The following COL5A2 variants were observed in gnomAD, a reference collection of about 807,000 sequenced individuals.
COL5A2 encodes the protein collagen type V alpha 2 chain.
In COL5A2, 23 loss-of-function variants were observed where a neutral mutation model predicts 208.2. The observed-to-expected ratio is 0.11, with a 90% CI of 0.08 to 0.16. COL5A2 has a LOEUF of 0.16. Among genes scored for constraint, COL5A2 ranks in the 10% least tolerant of loss-of-function variants. COL5A2 has a pLI of 1.00. For synonymous variants in COL5A2, 625 were observed against 628.5 expected, an observed-to-expected ratio of 0.99 and a Z score of 0.08; for missense variants, 1,590 against 1,956.4, an observed-to-expected ratio of 0.81 and a Z score of 3.53.
At chr2:189,210,367 G>A (rs938964830) in intron 1 of COL5A2, among the ~76,000 whole-genome samples, 4 of 150,902 alleles carry the variant, frequency 2.7e-5, no homozygotes, top group Admixed American at 6.6e-5. Flanking sequence ...AACCCTAGCC[G>A]AGGAGAATGA....
At chr2:189,143,862 TA>T (rs981501340) in intron 1 of COL5A2, among the ~76,000 whole-genome samples, 2 of 152,006 alleles carry the variant, frequency 1.3e-5, no homozygotes, top group Non-Finnish European at 2.9e-5. Flanking sequence ...TATAATAACA[TA>T]AAAAAATCCT....
chr2:189,124,362 A>G (rs757451858), intron 1 of COL5A2, among the ~76,000 whole-genome samples: 2 of 152,126 alleles, frequency 1.3e-5, no homozygotes, highest in Non-Finnish European at 2.9e-5. Context: ...CCATGACATG[A>G]ATAAGTCTTT....
chr2:189,196,247 T>C (rs914574646), intron 1 of COL5A2, among the ~76,000 whole-genome samples: 2 of 152,012 alleles, frequency 1.3e-5, no homozygotes, highest in African/African-American at 2.4e-5. Flanking sequence ...TCTTCTGTCT[T>C]GCAATGTTTC....
At chr2:189,367,433 A>G in the COL5A2 span, among the ~76,000 whole-genome samples, 1 of 152,170 alleles carries the variant, frequency 6.6e-6, no homozygotes, top group African/African-American at 2.4e-5. Flanking sequence ...ATTGAACGTA[A>G]TTACTACATT....
the COL5A2 span, among the ~76,000 whole-genome samples, chr2:189,261,005 C>T: frequency 6.6e-6 from 1 of 152,066 alleles, no homozygotes; most frequent in African/African-American, 2.4e-5. Flanking sequence ...ACTGACATAT[C>T]CATCTATTTG....
chr2:189,068,685 C>T (rs1427529920), intron 19 of COL5A2, 101 bp downstream of exon 19: 1 of 835,034 alleles, frequency 1.2e-6, no homozygotes, highest in African/African-American at 1.7e-5. Context: ...TAAATATGTA[C>T]AAATATTATG....
the COL5A2 span, among the ~76,000 whole-genome samples, chr2:189,372,816 T>TA: frequency 6.6e-6 from 1 of 152,144 alleles, no homozygotes; most frequent in African/African-American, 2.4e-5. Flanking sequence ...TAGGTATATT[T>TA]AAAAAAATAC....
chr2:189,039,345 G>A lies in COL5A2; in HGVS notation c.3852C>T (p.Ser1284=). The change falls in exon 51 of 54, where the codon AGC becomes AGT. Residue 1284 remains serine, a synonymous_variant. Transcript: ENST00000374866. ...CTGGGTGCTTTTTCGAGCCATCGGG[G>A]CTGCGCATGGTTTCAATCTGACTAC... The part of the protein sequence containing the change: ...SLSSQIETMR[S]PDGSKKHPAR... 1.2e-6 allele frequency: 2 copies of A among 1,614,076 alleles called. No individual in the cohort carries two copies. The highest frequency in any genetic ancestry group is 2.7e-5 in the African/African-American group (2 of 75,028).
At chr2:189,250,743 T>C in the COL5A2 span, among the ~76,000 whole-genome samples, 1 of 152,160 alleles carries the variant, frequency 6.6e-6, no homozygotes. Context: ...ACACAGTACC[T>C]CTCTCTTCAC....
chr2:189,313,297 T>C, the COL5A2 span, among the ~76,000 whole-genome samples: 1 of 152,178 alleles, frequency 6.6e-6, no homozygotes, highest in South Asian at 2.1e-4. Flanking sequence ...CTTTAGGATA[T>C]CATCCATGAG....
chr2:189,247,696 C>T, the COL5A2 span, among the ~76,000 whole-genome samples: 1 of 151,572 alleles, frequency 6.6e-6, no homozygotes, highest in Non-Finnish European at 1.5e-5. Context: ...TCTCATGCTT[C>T]AGCCTCCCCA....
intron 2 of COL5A2, among the ~76,000 whole-genome samples, chr2:189,108,136 A>T (rs1687186140): frequency 6.6e-6 from 1 of 151,718 alleles, no homozygotes; most frequent in South Asian, 2.1e-4. Context: ...TTATTTCTGC[A>T]TTGTCAGAAG....
intron 16 of COL5A2, 45 bp downstream of exon 16, chr2:189,078,471 T>A: frequency 6.9e-7 from 1 of 1,459,300 alleles, no homozygotes; most frequent in Non-Finnish European, 9.6e-7. Flanking sequence ...GAAAATGAAT[T>A]GAAATACACA....
chr2:189,129,315 C>T (rs560151978), intron 1 of COL5A2, among the ~76,000 whole-genome samples: 1 of 152,080 alleles, frequency 6.6e-6, no homozygotes, highest in East Asian at 1.9e-4. Context: ...TTACATTTCA[C>T]TAAAAGGGGC....
At chr2:189,204,817 A>G (rs1177590413) in intron 1 of COL5A2, among the ~76,000 whole-genome samples, 2 of 152,190 alleles carry the variant, frequency 1.3e-5, no homozygotes, top group Non-Finnish European at 2.9e-5. Flanking sequence ...TGAATTAATT[A>G]TGTCTTCTAT....
chr2:189,435,623 T>C, the COL5A2 span, among the ~76,000 whole-genome samples: 2 of 152,106 alleles, frequency 1.3e-5, no homozygotes, highest in East Asian at 3.9e-4. Context: ...AAAACCACAA[T>C]GAGATACCAT....
the COL5A2 span, among the ~76,000 whole-genome samples, chr2:189,420,048 A>T: frequency 1.9e-4 from 24 of 129,090 alleles, no homozygotes; most frequent in Non-Finnish European, 3.1e-4. Context: ...AATAAGAAAG[A>T]GAGGGAAGGA....
At chr2:189,307,355 T>C in the COL5A2 span, among the ~76,000 whole-genome samples, 1 of 152,072 alleles carries the variant, frequency 6.6e-6, no homozygotes, top group Non-Finnish European at 1.5e-5. Context: ...ATTATACATA[T>C]AATACTTAGA....
At chr2:189,310,917 C>G in the COL5A2 span, among the ~76,000 whole-genome samples, 6 of 152,062 alleles carry the variant, frequency 3.9e-5, no homozygotes, top group Non-Finnish European at 7.4e-5. Flanking sequence ...AGGATGGTTA[C>G]CAGGGGCTGG....
Sources: allele counts gnomAD v4.1 joint callset (sites outside exome capture counted in the v4.1 genomes callset), GRCh38; gene constraint gnomAD v4.1.1; transcripts MANE v1.5; gene names NCBI Gene and HGNC (gene_info 2026-07-23, HGNC 2026-07-21).